WWOX: variants seen among roughly 807,000 people sequenced by gnomAD.
The protein encoded by WWOX is WW domain-containing oxidoreductase.
A neutral mutation model predicts 46.2 loss-of-function variants in WWOX; 69 were observed. That is an observed-to-expected ratio of 1.49 (90% confidence interval 1.23 to 1.82). The LOEUF (loss-of-function observed/expected upper bound fraction) is 1.82, where lower values mean the gene tolerates loss of function less well. Among genes scored for constraint, WWOX ranks in the 40% most tolerant of loss-of-function variants. The pLI is 0.00. For missense variants in WWOX, 919 were observed against 542.6 expected (o/e 1.69, Z -6.89); for synonymous variants, 359 against 202.6 (o/e 1.77, Z -6.56).
intron 8 of WWOX, among the ~76,000 whole-genome samples, chr16:78,679,292 T>C (rs765735286): frequency 6.6e-6 from 1 of 152,192 alleles, no homozygotes; most frequent in Non-Finnish European, 1.5e-5. Context: ...GGGTTGCGCC[T>C]GTAATCCCAG....
At chr16:79,126,908 A>G (rs1198585287) in intron 8 of WWOX, among the ~76,000 whole-genome samples, 6 of 152,208 alleles carry the variant, frequency 3.9e-5, no homozygotes, top group Admixed American at 2.0e-4. Context: ...TGTGTAAGAC[A>G]GAGAAAAGGA....
chr16:78,701,365 C>G (rs527965003), intron 8 of WWOX, among the ~76,000 whole-genome samples: 3 of 152,244 alleles, frequency 2.0e-5, no homozygotes, highest in East Asian at 1.9e-4. Context: ...GCTTGAGTCA[C>G]TGTTCCTGGC....
At chr16:78,644,187 A>C (rs529901136) in intron 8 of WWOX, among the ~76,000 whole-genome samples, 19 of 152,020 alleles carry the variant, frequency 1.2e-4, no homozygotes, top group Non-Finnish European at 1.9e-4. Context: ...ACGCCATTGC[A>C]CTCCAGCCTG....
At chr16:78,220,269 T>C (rs2036846055) in intron 5 of WWOX, among the ~76,000 whole-genome samples, 1 of 152,212 alleles carries the variant, frequency 6.6e-6, no homozygotes, top group African/African-American at 2.4e-5. Context: ...AGTTATGTGA[T>C]GGATACTTCT....
chr16:78,664,649 A>G (rs2047289221), intron 8 of WWOX, among the ~76,000 whole-genome samples: 1 of 152,174 alleles, frequency 6.6e-6, no homozygotes, highest in African/African-American at 2.4e-5. Context: ...GTGTATCCGT[A>G]TCAGTGTGTC....
intron 8 of WWOX, among the ~76,000 whole-genome samples, chr16:78,784,877 C>G (rs931276901): frequency 1.3e-5 from 2 of 152,092 alleles, no homozygotes; most frequent in Non-Finnish European, 2.9e-5. Flanking sequence ...TGGTGTCCAG[C>G]GAATGCCTCT....
intron 8 of WWOX, among the ~76,000 whole-genome samples, chr16:78,475,563 C>T (rs1446299866): frequency 6.6e-6 from 1 of 152,104 alleles, no homozygotes; most frequent in Non-Finnish European, 1.5e-5. Flanking sequence ...TCTTGATGGA[C>T]AATGAGTACT....
chr16:78,912,919 G>C (rs1215243528), intron 8 of WWOX, among the ~76,000 whole-genome samples: 2 of 151,996 alleles, frequency 1.3e-5, no homozygotes, highest in Non-Finnish European at 2.9e-5. Context: ...CAAGAGATCA[G>C]AGCAAGAGAA....
chr16:78,753,618 C>T (rs747533368), intron 8 of WWOX, among the ~76,000 whole-genome samples: 1 of 151,226 alleles, frequency 6.6e-6, no homozygotes, highest in Non-Finnish European at 1.5e-5. Flanking sequence ...TGGCTAACAT[C>T]ATGAAATCCC....
intron 4 of WWOX, among the ~76,000 whole-genome samples, chr16:78,138,998 G>A (rs2033894587): frequency 6.6e-6 from 1 of 152,024 alleles, no homozygotes; most frequent in South Asian, 2.1e-4. Flanking sequence ...AAACCTTCAT[G>A]GTTTGTTGTA....
intron 8 of WWOX, among the ~76,000 whole-genome samples, chr16:78,478,457 C>T (rs969703814): frequency 1.3e-5 from 2 of 152,116 alleles, no homozygotes; most frequent in Non-Finnish European, 2.9e-5. Context: ...AAAGAAAAAG[C>T]GATGATAATG....
intron 8 of WWOX, among the ~76,000 whole-genome samples, chr16:78,939,856 G>A (rs1418786664): frequency 6.6e-6 from 1 of 152,036 alleles, no homozygotes; most frequent in East Asian, 1.9e-4. Context: ...GATCTTTTTG[G>A]CATAGACGTG....
chr16:78,682,688 A>G (rs1021084855), intron 8 of WWOX, among the ~76,000 whole-genome samples: 2 of 152,182 alleles, frequency 1.3e-5, no homozygotes, highest in Admixed American at 6.5e-5. Flanking sequence ...GGCCTGGGAA[A>G]TATAGCAAGA....
chr16:78,835,515 G>A (rs972880812), intron 8 of WWOX, among the ~76,000 whole-genome samples: 25 of 152,146 alleles, frequency 1.6e-4, no homozygotes, highest in African/African-American at 4.8e-4. Flanking sequence ...TGAATACCCC[G>A]TAAAATCACA....
At position 78,878,086 on chromosome 16, in the gene WWOX, A is replaced by G. The variant is rs911064319; in HGVS notation, c.1057-333522A>G. ...ATTCCCTGTAGTTTTTAGCATAACT[A>G]GTACTGGCTCAGTAAGTATCCACTG... is the stretch of plus-strand genomic sequence containing the variant. On this transcript the variant is annotated intron_variant, in intron 8 of 8. Coordinates refer to ENST00000566780, the MANE Select transcript of WWOX (RefSeq NM_016373.4). Among the ~76,000 whole-genome samples the G allele has an allele frequency of 4.6e-5, 7 of 152,206 alleles. No homozygotes were observed. In the East Asian group the frequency reaches 1.3e-3, roughly 29 times the overall value.
chr16:78,963,725 A>G (rs181321045), intron 8 of WWOX, among the ~76,000 whole-genome samples: 1 of 152,268 alleles, frequency 6.6e-6, no homozygotes, highest in East Asian at 1.9e-4. Context: ...ACAGACACAT[A>G]TTGTTTTTTC....
chr16:78,885,797 C>A (rs146754714), intron 8 of WWOX, among the ~76,000 whole-genome samples: 1 of 152,188 alleles, frequency 6.6e-6, no homozygotes, highest in African/African-American at 2.4e-5. Flanking sequence ...GATTCTTCCC[C>A]CTTCTTACTT....
intron 8 of WWOX, among the ~76,000 whole-genome samples, chr16:78,859,000 T>TAAAAA (rs2052638771): frequency 2.5e-5 from 2 of 79,868 alleles, no homozygotes; most frequent in Non-Finnish European, 2.1e-5. Context: ...GTTTTGAAAT[T>TAAAAA]TAAAAAAAAA....
intron 5 of WWOX, among the ~76,000 whole-genome samples, chr16:78,381,478 T>C (rs1259827752): frequency 1.3e-5 from 2 of 152,244 alleles, no homozygotes; most frequent in Non-Finnish European, 1.5e-5. Context: ...TGGGAGCAAG[T>C]GGGCTTCTGA....
Sources: gnomAD v4.1 joint callset for allele counts (sites outside exome capture counted in the v4.1 genomes callset) on GRCh38, gnomAD v4.1.1 for gene constraint, MANE v1.5 for transcripts, NCBI Gene and HGNC (gene_info 2026-07-23, HGNC 2026-07-21) for gene names.